The following DOCK7 variants were observed in gnomAD, a reference collection of about 807,000 sequenced individuals.
The protein encoded by DOCK7 is dedicator of cytokinesis protein 7.
DOCK7 carries 138 observed loss-of-function variants against 271.0 expected under a neutral mutation model. The observed-to-expected ratio is 0.51, with a 90% CI of 0.44 to 0.59. DOCK7 has a LOEUF of 0.59. Ranked by LOEUF, DOCK7 falls within the 20% of genes least tolerant of loss-of-function variation. The pLI is 0.00. For missense variants in DOCK7, 2,066 were observed against 2,592.4 expected (o/e 0.80, Z 4.41); for synonymous variants, 823 against 876.1 (o/e 0.94, Z 1.07).
intron 9 of DOCK7, chr1:62,634,515 A>G (rs560418011): frequency 2.8e-5 from 7 of 248,920 alleles, no homozygotes; most frequent in Admixed American, 5.4e-5. Context: ...ATGAAAATGT[A>G]TTTATAAACT....
chr1:62,672,455 T>C (rs1660123759), intron 1 of DOCK7, among the ~76,000 whole-genome samples: 1 of 152,120 alleles, frequency 6.6e-6, no homozygotes, highest in Non-Finnish European at 1.5e-5. Context: ...ACATAACTGA[T>C]AAGGAATAGA....
At chr1:62,677,479 A>G (rs1192632598) in intron 1 of DOCK7, among the ~76,000 whole-genome samples, 2 of 152,080 alleles carry the variant, frequency 1.3e-5, no homozygotes, top group Non-Finnish European at 2.9e-5. Flanking sequence ...GACCCAATAC[A>G]CTCAGTTACA....
intron 14 of DOCK7, among the ~76,000 whole-genome samples, chr1:62,590,412 G>A (rs1648263809): frequency 6.6e-6 from 1 of 152,152 alleles, no homozygotes; most frequent in African/African-American, 2.4e-5. Flanking sequence ...TGAGGCGATG[G>A]TGGGAAAGAA....
intron 1 of DOCK7, among the ~76,000 whole-genome samples, chr1:62,678,914 A>G (rs1205443844): frequency 6.6e-6 from 1 of 152,218 alleles, no homozygotes; most frequent in African/African-American, 2.4e-5. Flanking sequence ...TTGTTACACA[A>G]GATAAATGCT....
chr1:62,612,321 T>C (rs1651898140), intron 14 of DOCK7, among the ~76,000 whole-genome samples: 1 of 152,120 alleles, frequency 6.6e-6, no homozygotes, highest in Admixed American at 6.6e-5. Flanking sequence ...AATTAATCTG[T>C]TCTCTAATGA....
At chr1:62,590,631 C>A (rs979393904) in intron 14 of DOCK7, among the ~76,000 whole-genome samples, 3 of 152,084 alleles carry the variant, frequency 2.0e-5, no homozygotes, top group African/African-American at 7.2e-5. Context: ...AACACAGAAT[C>A]ACACTGCAGC....
chr1:62,499,973 G>A (rs1261840225), intron 37 of DOCK7, among the ~76,000 whole-genome samples: 1 of 150,964 alleles, frequency 6.6e-6, no homozygotes, highest in Non-Finnish European at 1.5e-5. Context: ...TGGTAAAATT[G>A]GACAGAGATG....
Position 62,604,295 on chromosome 1 carries a change from T to C in DOCK7, c.1682+14411A>G, listed in dbSNP as rs1049193351. ...ATCTTCAAAGTATCTTCCCACATTA[T>C]TAGCTATTATCTGCAATGACAACTT... On this transcript the variant is annotated intron_variant, in intron 14 of 49. Transcript: ENST00000635253. 3.8e-6 allele frequency: 6 copies of C among 1,588,272 alleles called. No individual in the cohort carries two copies. In the African/African-American group the frequency reaches 8.1e-5, roughly 21 times the overall value.
Position 62,663,172 on chromosome 1 carries a change from A to C in DOCK7, c.39-42T>G, listed in dbSNP as rs749789309. ...AAAAACATACGCATTATTGAAAAAA[A>C]AAAAAACTAAACTAGTTTAAAATGG... On this transcript the variant is annotated intron_variant, in intron 1 of 49. Transcript: ENST00000635253. 6.8e-6 allele frequency: 10 copies of C among 1,463,226 alleles called. No individual in the cohort carries two copies. The South Asian group carries it at 1.2e-4, about 18-fold the overall frequency. 90.6% of individuals were successfully genotyped at this position (1,463,226 alleles called of 1,614,324 possible).
At chr1:62,580,965 T>C (rs1234261084) in intron 16 of DOCK7, among the ~76,000 whole-genome samples, 1 of 152,208 alleles carries the variant, frequency 6.6e-6, no homozygotes, top group Non-Finnish European at 1.5e-5. Flanking sequence ...CATTTACTTG[T>C]AACATGACTT....
intron 43 of DOCK7, chr1:62,484,597 TC>T (rs1235205124): frequency 6.6e-6 from 1 of 152,140 alleles, no homozygotes; most frequent in Non-Finnish European, 1.5e-5. Context: ...GAAGCAATCC[TC>T]CTGCCTCTGC....
At chr1:62,680,548 T>C (rs2149772298) in intron 1 of DOCK7, among the ~76,000 whole-genome samples, 1 of 151,812 alleles carries the variant, frequency 6.6e-6, no homozygotes, top group African/African-American at 2.4e-5. Context: ...GGGATCTAAT[T>C]AAACTAAAGA....
chr1:62,619,271 CT>C (rs1021794051), intron 13 of DOCK7, among the ~76,000 whole-genome samples: 2 of 152,144 alleles, frequency 1.3e-5, no homozygotes, highest in African/African-American at 2.4e-5. Flanking sequence ...TAATATGAAT[CT>C]ATTTTTTAAT....
chr1:62,625,521 A>AT, intron 11 of DOCK7, 120 bp from the exon 12 acceptor site: 1 of 972,214 alleles, frequency 1.0e-6, no homozygotes, highest in Non-Finnish European at 1.5e-6. Context: ...CATATCAAGT[A>AT]TAGTAGGAGA....
At chr1:62,524,054 G>A (rs1047219928) in intron 31 of DOCK7, among the ~76,000 whole-genome samples, 42 of 151,816 alleles carry the variant, frequency 2.8e-4, no homozygotes, top group Non-Finnish European at 5.0e-4. Flanking sequence ...ACAACCAAAT[G>A]GAAAACAAGC....
At chr1:62,618,587 G>A (rs547395653) in intron 14 of DOCK7, 119 bp downstream of exon 14, 3 of 842,202 alleles carry the variant, frequency 3.6e-6, no homozygotes, top group South Asian at 3.4e-5. Flanking sequence ...TGTGCGGTAA[G>A]AGATAGAGTT....
rs1571151649 is a variant in DOCK7 at position 62,455,083 on chromosome 1, G to C, written c.*331C>G. The C allele has an allele frequency of 2.1e-6, 1 of 486,836 alleles. No individual in the cohort carries two copies. The highest frequency in any genetic ancestry group is 3.2e-5 in the East Asian group (1 of 30,954). 30.2% of individuals were successfully genotyped at this position (486,836 alleles called of 1,614,324 possible). A position where few individuals can be genotyped will look rare whatever the true frequency, so the allele number is the denominator to read the frequency against. ...ACTACATTTAAAATGGTTCCAAAAT[G>C]AATCTATAAATGGTAATATAAATTA... On this transcript the variant is annotated 3_prime_UTR_variant, in exon 50 of 50. Transcript: ENST00000635253.
At position 62,455,088 on chromosome 1, in the gene DOCK7, T is replaced by C; in HGVS notation, c.*326A>G. On this transcript the variant is annotated 3_prime_UTR_variant, in exon 50 of 50. Transcript: ENST00000635253. ...ATTTAAAATGGTTCCAAAATGAATC[T>C]ATAAATGGTAATATAAATTAAAAAA... is the stretch of plus-strand genomic sequence containing the variant. The C allele has an allele frequency of 2.0e-6, 1 of 497,390 alleles. No homozygotes were observed. The highest frequency in any genetic ancestry group is 3.5e-6 in the Non-Finnish European group (1 of 284,010). 30.8% of individuals were successfully genotyped at this position (497,390 alleles called of 1,614,324 possible). A position where few individuals can be genotyped will look rare whatever the true frequency, so the allele number is the denominator to read the frequency against.
intron 44 of DOCK7, among the ~76,000 whole-genome samples, chr1:62,476,579 T>C (rs1645974764): frequency 6.6e-6 from 1 of 152,194 alleles, no homozygotes; most frequent in South Asian, 2.1e-4. Flanking sequence ...TAAACATTCA[T>C]TTTTATGAAC....
Sources: gnomAD v4.1 joint callset for allele counts (sites outside exome capture counted in the v4.1 genomes callset) on GRCh38, gnomAD v4.1.1 for gene constraint, MANE v1.5 for transcripts, NCBI Gene and HGNC (gene_info 2026-07-23, HGNC 2026-07-21) for gene names.